The following SUFU variants were observed in gnomAD, a reference collection of about 807,000 sequenced individuals.
The protein encoded by SUFU is SUFU negative regulator of hedgehog signaling.
A neutral mutation model predicts 58.9 loss-of-function variants in SUFU; 7 were observed. The ratio of observed to expected loss-of-function variants is 0.12; its 90% CI spans 0.07 to 0.22. The LOEUF is 0.22. Ranked by LOEUF, SUFU falls within the 10% of genes least tolerant of loss-of-function variation. SUFU has a pLI of 1.00. For synonymous variants in SUFU, 232 were observed against 254.8 expected (o/e 0.91, Z 0.85); for missense variants, 451 against 641.3 (o/e 0.70, Z 3.20).
chr10:102,587,099 T>C (rs2063342505), intron 3 of SUFU, among the ~76,000 whole-genome samples: 1 of 152,250 alleles, frequency 6.6e-6, no homozygotes, highest in Non-Finnish European at 1.5e-5. Flanking sequence ...AATCCATTCA[T>C]CTCTTGATGG....
intron 2 of SUFU, among the ~76,000 whole-genome samples, chr10:102,541,408 T>G (rs1203008849): frequency 0.023 from 1 of 44 alleles, no homozygotes; most frequent in African/African-American, 0.056. Flanking sequence ...TCTTTCTTTC[T>G]TTTTTTTTGA....
chr10:102,574,741 A>C (rs2063196073), intron 3 of SUFU, among the ~76,000 whole-genome samples: 1 of 152,230 alleles, frequency 6.6e-6, no homozygotes, highest in South Asian at 2.1e-4. Flanking sequence ...TTTAAAAAAA[A>C]TGTATTTTAT....
At chr10:102,555,581 T>C (rs1186208695) in intron 3 of SUFU, among the ~76,000 whole-genome samples, 4 of 152,240 alleles carry the variant, frequency 2.6e-5, no homozygotes, top group African/African-American at 9.6e-5. Flanking sequence ...TAGTTGCCTG[T>C]GAAGTCTTAG....
At chr10:102,583,299 A>G (rs1478809225) in intron 3 of SUFU, among the ~76,000 whole-genome samples, 1 of 152,154 alleles carries the variant, frequency 6.6e-6, no homozygotes, top group Non-Finnish European at 1.5e-5. Context: ...CCTGCCCCTC[A>G]CTAGAAGTTT....
chr10:102,568,897 A>AAAAAAT (rs2063125428), intron 3 of SUFU, among the ~76,000 whole-genome samples: 2 of 17,030 alleles, frequency 1.2e-4, no homozygotes, highest in African/African-American at 7.1e-4. Flanking sequence ...AAAAAAAAAA[A>AAAAAAT]ATATATATAT....
At chr10:102,521,784 T>C (rs187155920) in intron 2 of SUFU, among the ~76,000 whole-genome samples, 1 of 152,356 alleles carries the variant, frequency 6.6e-6, no homozygotes, top group Non-Finnish European at 1.5e-5. Flanking sequence ...TTTCCTGGCC[T>C]GGCCTTTTGC....
chr10:102,625,447 CTT>C lies in SUFU; in HGVS notation c.1297-1727_1297-1726del, dbSNP rs2063776958. Among the ~76,000 whole-genome samples, 8 of 152,256 alleles carry C rather than the reference CTT, an allele frequency of 5.3e-5. No homozygotes were observed. The South Asian group carries it at 1.5e-3, about 28-fold the overall frequency. The stretch of plus-strand genomic sequence containing the variant: ...CTTGGAGCCTGGGAAGGCTGGGTCT[CTT>C]GTCTCCTTGCCAGCCAAAAGAGGGT... On this transcript the variant is annotated intron_variant, in intron 10 of 11. Coordinates refer to ENST00000369902, the MANE Select transcript of SUFU (RefSeq NM_016169.4). This position sits in a 1 kb window ranked among gnomAD's most constrained non-coding sequence, Gnocchi z 4.7.
At chr10:102,548,705 T>C (rs1304888565) in intron 2 of SUFU, among the ~76,000 whole-genome samples, 1 of 151,936 alleles carries the variant, frequency 6.6e-6, no homozygotes, top group African/African-American at 2.4e-5. Context: ...CCTGGGGAGG[T>C]GTGGCACCCC....
At chr10:102,503,715 C>T (rs2062278996), upstream of SUFU, among the ~76,000 whole-genome samples, 1 of 152,208 alleles carries the variant, frequency 6.6e-6, no homozygotes, top group South Asian at 2.1e-4. Flanking sequence ...CCTTTGTTGG[C>T]GCACTTCTCG....
rs934412270 is a variant in SUFU at position 102,578,600 on chromosome 10, C to T, written c.455-13982C>T. ...GCGCGTGCCTATAGTCCCAGGTACTCGGTAGGCTGAGGCAGGAGAACTGCT... is the reference window on the plus strand; with the variant it reads ...GCGCGTGCCTATAGTCCCAGGTACTTGGTAGGCTGAGGCAGGAGAACTGCT... On this transcript the variant is annotated intron_variant, in intron 3 of 11. Transcript: ENST00000369902. 3.3e-5 allele frequency among the ~76,000 whole-genome samples: 5 copies of T among 151,148 alleles called. No homozygotes were observed. In the East Asian group the frequency reaches 5.9e-4, roughly 18 times the overall value.
Position 102,509,290 on chromosome 10 carries a change from A to C in SUFU, c.304A>C (p.Asn102His). Residue 102 changes from asparagine to histidine, a missense_variant, in exon 2 of 12, where the codon AAC becomes CAC. Transcript: ENST00000369902. ...SFGLSDLYGD[N>H]RVHEFTGTDG... is the part of the protein sequence containing the mutation. The stretch of plus-strand genomic sequence containing the variant: ...CGGCCTGAGTGATCTCTATGGTGAC[A>C]ACAGAGTCCATGAGTGAGTATATGC... 1 of 1,614,156 alleles carries C rather than the reference A, an allele frequency of 6.2e-7. No homozygotes were observed. Among genetic ancestry groups the C allele is most frequent in the Non-Finnish European group, 8.5e-7 (1 of 1,180,034 alleles).
intron 3 of SUFU, among the ~76,000 whole-genome samples, chr10:102,590,541 A>G (rs2063388579): frequency 1.3e-5 from 2 of 152,220 alleles, no homozygotes; most frequent in Middle Eastern, 3.4e-3. Context: ...ATATGCATAA[A>G]GTATATTGGT....
chr10:102,560,221 A>T (rs921298814), intron 3 of SUFU, among the ~76,000 whole-genome samples: 2 of 152,170 alleles, frequency 1.3e-5, no homozygotes, highest in Non-Finnish European at 2.9e-5. Context: ...CACAGAGAAA[A>T]CTTTGGTGTT....
chr10:102,535,209 G>A (rs566284007), intron 2 of SUFU, among the ~76,000 whole-genome samples: 35 of 152,210 alleles, frequency 2.3e-4, no homozygotes, highest in Middle Eastern at 6.8e-3. Flanking sequence ...CAACAGGGCC[G>A]GGCGCGGTGG....
intron 3 of SUFU, among the ~76,000 whole-genome samples, chr10:102,583,491 G>T (rs371866945): frequency 1.3e-5 from 2 of 152,282 alleles, no homozygotes; most frequent in East Asian, 3.9e-4. Flanking sequence ...TTTCCCAGCT[G>T]CCTAAATTAA....
At chr10:102,507,346 A>C (rs1402381157) in intron 1 of SUFU, among the ~76,000 whole-genome samples, 2 of 152,178 alleles carry the variant, frequency 1.3e-5, no homozygotes, top group Non-Finnish European at 2.9e-5. Context: ...TTGCAGCAGG[A>C]AACTGGAGCA....
intron 7 of SUFU, among the ~76,000 whole-genome samples, chr10:102,598,584 A>G (rs1314714361): frequency 6.6e-6 from 1 of 152,242 alleles, no homozygotes; most frequent in Non-Finnish European, 1.5e-5. Flanking sequence ...AGAGGGAGTC[A>G]TAGTCTTGTC....
chr10:102,569,913 C>T lies in SUFU; in HGVS notation c.454+19807C>T, dbSNP rs72847767. On this transcript the variant is annotated intron_variant, in intron 3 of 11. Transcript: ENST00000369902. ...AACTGGAAATATTCTAGTTTGAAGA[C>T]GAAAAGACTTTGAGATGGAATATGT... Among the ~76,000 whole-genome samples, 1,184 of 152,200 alleles carry T rather than the reference C, an allele frequency of 7.8e-3. 6 individuals are homozygous for T. Among genetic ancestry groups the T allele is most frequent in the Non-Finnish European group, 0.012 (811 of 68,022 alleles).
chr10:102,514,384 T>C (rs754747551), intron 2 of SUFU, among the ~76,000 whole-genome samples: 28 of 152,210 alleles, frequency 1.8e-4, no homozygotes, highest in Non-Finnish European at 1.6e-4. Flanking sequence ...GATGATTTGA[T>C]AAGCCTTGGG....
Sources: gnomAD v4.1 joint callset for allele counts (sites outside exome capture counted in the v4.1 genomes callset) on GRCh38, gnomAD v4.1.1 for gene constraint, Gnocchi (gnomAD v3.1) non-coding constraint, MANE v1.5 for transcripts, NCBI Gene and HGNC (gene_info 2026-07-23, HGNC 2026-07-21) for gene names.